TMEM268: variants seen among roughly 807,000 people sequenced by gnomAD.
The protein encoded by TMEM268 is transmembrane protein C9orf91.
TMEM268 carries 24 observed loss-of-function variants against 39.1 expected under a neutral mutation model. The ratio of observed to expected loss-of-function variants is 0.61; its 90% confidence interval spans 0.44 to 0.86. TMEM268 has a LOEUF of 0.86. Among genes scored for constraint, TMEM268 ranks in the 40% least tolerant of loss-of-function variants. The pLI is 0.00. For missense variants in TMEM268, 409 were observed against 428.6 expected (o/e 0.95, Z 0.40); for synonymous variants, 176 against 173.5 (o/e 1.01, Z -0.12).
At position 114,622,104 on chromosome 9, in the gene TMEM268, C is replaced by T. The variant is rs1845969563; in HGVS notation, c.107-2246C>T. On this transcript the variant is annotated intron_variant, in intron 2 of 8. Transcript: ENST00000288502. The stretch of plus-strand genomic sequence containing the variant: ...ACAGATGTTTTGTTTGCCTAGTTGG[C>T]AGGGCTTGGTGATACATTGGGGGAG... 6.1e-6 allele frequency: 6 copies of T among 985,152 alleles called. No homozygotes were observed. The South Asian group carries it at 2.4e-4, about 39-fold the overall frequency. 61.0% of individuals were successfully genotyped at this position (985,152 alleles called of 1,614,324 possible).
chr9:114,625,899 T>A (rs1364010209), intron 3 of TMEM268, among the ~76,000 whole-genome samples: 1 of 151,670 alleles, frequency 6.6e-6, no homozygotes, highest in Non-Finnish European at 1.5e-5. Flanking sequence ...TGATCTCGGC[T>A]CACTGCAACC....
chr9:114,630,488 G>A (rs188665672), intron 5 of TMEM268, among the ~76,000 whole-genome samples: 57 of 152,290 alleles, frequency 3.7e-4, no homozygotes, highest in Admixed American at 1.6e-3. Context: ...CCTATTGTAT[G>A]CTGTATGCTT....
At chr9:114,641,743 C>G (rs1001978871) in intron 8 of TMEM268, among the ~76,000 whole-genome samples, 1 of 152,164 alleles carries the variant, frequency 6.6e-6, no homozygotes, top group African/African-American at 2.4e-5. Flanking sequence ...TCAAGTGATT[C>G]TCCTGCCTCA....
chr9:114,623,203 T>G (rs1846018907), intron 2 of TMEM268, among the ~76,000 whole-genome samples: 1 of 152,012 alleles, frequency 6.6e-6, no homozygotes, highest in Non-Finnish European at 1.5e-5. Flanking sequence ...CAGGCTGGAG[T>G]GTAATGGCGT....
In TMEM268 at chr9:114,624,068, A is replaced by AT. The variant is rs529922946; in HGVS notation, c.107-276dup. The stretch of plus-strand genomic sequence containing the variant: ...TTTTTTGTGGGGACAAAAAATGCCT[A>AT]TTTTTTATGGGGACAGCTTTTGCTC... On this transcript the variant is annotated intron_variant, in intron 2 of 8. Transcript: ENST00000288502. 4.2e-4 allele frequency: 127 copies of AT among 299,172 alleles called. 1 individual carries two copies. In the East Asian group the frequency reaches 6.0e-3, roughly 14 times the overall value. 18.5% of individuals were successfully genotyped at this position (299,172 alleles called of 1,614,324 possible).
the TMEM268 span, among the ~76,000 whole-genome samples, chr9:114,605,958 C>T: frequency 0.029 from 4,437 of 151,462 alleles, 221 homozygotes; most frequent in African/African-American, 0.1. Flanking sequence ...AAGAAAATAA[C>T]TTACAAAGCA....
In TMEM268 at chr9:114,637,083, C is replaced by T. The variant is rs775319998; in HGVS notation, c.666+13C>T. 4.6e-5 allele frequency: 72 copies of T among 1,572,446 alleles called. No individual in the cohort carries two copies. In the East Asian group the frequency reaches 1.6e-3, roughly 35 times the overall value. ...GACTAGCCAAGAGGTAAGATATCTT[C>T]AGTGAAAAAACAAAACAAAAACCAG... On this transcript the variant is annotated intron_variant, in intron 7 of 8. Coordinates refer to ENST00000288502, the MANE Select transcript of TMEM268 (RefSeq NM_153045.4).
At chr9:114,634,049 C>G (rs916657909) in intron 6 of TMEM268, among the ~76,000 whole-genome samples, 171 bp downstream of exon 6, 1 of 152,208 alleles carries the variant, frequency 6.6e-6, no homozygotes, top group Non-Finnish European at 1.5e-5. Context: ...TTCCTCAAGA[C>G]ACCTTCTCTG....
At position 114,626,965 on chromosome 9, in the gene TMEM268, A is replaced by C. The variant is rs1047445637; in HGVS notation, c.283A>C (p.Ile95Leu). ...CTTGGAGCCCCAAGTGAGAAGATAT[A>C]TCATCTACAACTCGAGGCCTATGCG... Reference protein sequence around the residue: ...ALLEPQVRRYIIYNSRPMRLA... With the variant: ...ALLEPQVRRYLIYNSRPMRLA... The change falls in exon 4 of 9, where the codon ATC becomes CTC. Residue 95 changes from isoleucine (I) to leucine (L), a missense_variant. Transcript: ENST00000288502. 1.2e-6 allele frequency: 2 copies of C among 1,613,494 alleles called. No homozygotes were observed. The highest frequency in any genetic ancestry group is 1.7e-5 in the Admixed American group (1 of 59,992).
intron 2 of TMEM268, among the ~76,000 whole-genome samples, 156 bp downstream of exon 2, chr9:114,617,457 G>A (rs1845772856): frequency 1.3e-5 from 2 of 152,224 alleles, no homozygotes; most frequent in South Asian, 2.1e-4. Flanking sequence ...CTTAGACCAA[G>A]CCACCATCAC....
rs1845855549 is a variant in TMEM268, at chr9:114,619,312, CACACACACAG to C, written c.106+2021_106+2030del. 3.3e-5 allele frequency among the ~76,000 whole-genome samples: 5 copies of C among 152,176 alleles called. No individual in the cohort carries two copies. In the South Asian group the frequency reaches 8.3e-4, roughly 25 times the overall value. On this transcript the variant is annotated intron_variant, in intron 2 of 8. Coordinates refer to ENST00000288502, the MANE Select transcript of TMEM268 (RefSeq NM_153045.4). ...ACGCGTGCACACACACACACACACA[CACACACACAG>C]ACACACACATTTTTCTTTGGTAGCT...
chr9:114,636,523 CAG>C (rs1302429362), intron 6 of TMEM268, among the ~76,000 whole-genome samples: 5 of 147,360 alleles, frequency 3.4e-5, no homozygotes, highest in Admixed American at 3.0e-4. Flanking sequence ...TCTTTTCAGA[CAG>C]AGTCTTTCTC....
intron 2 of TMEM268, among the ~76,000 whole-genome samples, chr9:114,619,531 T>A (rs1845863897): frequency 6.6e-6 from 1 of 152,232 alleles, no homozygotes; most frequent in African/African-American, 2.4e-5. Context: ...TACAACGACC[T>A]AGACCTGGGA....
In TMEM268 at chr9:114,617,226, GC is replaced by G. The variant is rs771623478; in HGVS notation, c.33del (p.Thr12LeufsTer80). ...CTGTGAACCACAGGTGGACCCGGGG[GC>G]CACTGGCCCATTGCCCCCCTCCTCC... MACEPQVDPG[A>X]TGPLPPSSPG... On this transcript the variant is annotated frameshift_variant, in exon 2 of 9. Coordinates refer to ENST00000288502, the MANE Select transcript of TMEM268 (RefSeq NM_153045.4). LOFTEE classifies it high-confidence loss of function. 90 of 1,610,580 alleles carry G rather than the reference GC, an allele frequency of 5.6e-5. No homozygotes were observed. The highest frequency in any genetic ancestry group is 6.7e-5 in the Non-Finnish European group (79 of 1,178,744).
At chr9:114,628,366 C>G (rs1400163741) in intron 5 of TMEM268, 116 bp downstream of exon 5, 4 of 1,172,478 alleles carry the variant, frequency 3.4e-6, no homozygotes, top group Non-Finnish European at 3.7e-6. Context: ...AAAATTCACA[C>G]TAGCCCGTAA....
At chr9:114,621,590 A>G (rs1372084664) in intron 2 of TMEM268, among the ~76,000 whole-genome samples, 1 of 152,180 alleles carries the variant, frequency 6.6e-6, no homozygotes, top group South Asian at 2.1e-4. Flanking sequence ...AGCGTCAGTT[A>G]TGGTAGGTTT....
In TMEM268 at chr9:114,643,225, A is replaced by C; in HGVS notation, c.941A>C (p.His314Pro). Reference sequence around the variant, plus strand: ...CTCCCTCAGGCAATGGGGACACGACACACGAACTCTCCGAGAATTCCATGC... The same window carrying C: ...CTCCCTCAGGCAATGGGGACACGACCCACGAACTCTCCGAGAATTCCATGC... ...SQLPQAMGTR[H>P]TNSPRIPCPC... The change falls in exon 9 of 9, where the codon CAC becomes CCC. Residue 314 changes from histidine (H) to proline (P), a missense_variant. His to Pro is a moderately conservative substitution (Grantham distance 77, BLOSUM62 -2). Transcript: ENST00000288502. 1 of 1,614,174 alleles carries C rather than the reference A, an allele frequency of 6.2e-7. No homozygotes were observed. Among genetic ancestry groups the C allele is most frequent in the South Asian group, 1.1e-5 (1 of 91,080 alleles).
intron 5 of TMEM268, among the ~76,000 whole-genome samples, chr9:114,630,359 C>T (rs554733606): frequency 1.8e-4 from 28 of 152,254 alleles, no homozygotes; most frequent in African/African-American, 5.8e-4. Flanking sequence ...CCAGAAAATG[C>T]GCAAGGCTTG....
At chr9:114,639,618 C>T (rs1431072335) in intron 8 of TMEM268, among the ~76,000 whole-genome samples, 1 of 151,904 alleles carries the variant, frequency 6.6e-6, no homozygotes, top group Non-Finnish European at 1.5e-5. Flanking sequence ...CAGAAGAGCA[C>T]TTATATCTTT....
Sources: allele counts gnomAD v4.1 joint callset (sites outside exome capture counted in the v4.1 genomes callset), GRCh38; gene constraint gnomAD v4.1.1; transcripts MANE v1.5; gene names NCBI Gene and HGNC (gene_info 2026-07-23, HGNC 2026-07-21).